RPS6KC1: variants seen among roughly 807,000 people sequenced by gnomAD.
RPS6KC1 encodes the protein inactive ribosomal protein S6 kinase delta-1.
A neutral mutation model predicts 103.8 loss-of-function variants in RPS6KC1; 54 were observed. That is an observed-to-expected ratio of 0.52 (90% CI 0.42 to 0.65). The LOEUF is 0.65. Ranked by LOEUF, RPS6KC1 falls within the 30% of genes least tolerant of loss-of-function variation. RPS6KC1 has a pLI of 0.00. For missense variants in RPS6KC1, 1,151 were observed against 1,253.8 expected, an observed-to-expected ratio of 0.92 and a Z score of 1.24; for synonymous variants, 439 against 438.7, an observed-to-expected ratio of 1.00 and a Z score of -0.01.
chr1:213,343,516 G>T, the RPS6KC1 span, among the ~76,000 whole-genome samples: 1 of 147,730 alleles, frequency 6.8e-6, no homozygotes, highest in Non-Finnish European at 1.5e-5. Flanking sequence ...TGGAATTGGA[G>T]ACTATTATCC....
the RPS6KC1 span, among the ~76,000 whole-genome samples, chr1:213,487,584 A>G: frequency 6.6e-6 from 1 of 152,082 alleles, no homozygotes; most frequent in Non-Finnish European, 1.5e-5. Flanking sequence ...ACAAAATCCT[A>G]CAAGGCCCTG....
chr1:213,825,929 A>G, the RPS6KC1 span, among the ~76,000 whole-genome samples: 187 of 152,346 alleles, frequency 1.2e-3, no homozygotes, highest in Non-Finnish European at 1.6e-3. Flanking sequence ...CCATGAACTG[A>G]AAACAATCAA....
chr1:213,151,691 T>C (rs1471604474), intron 6 of RPS6KC1, among the ~76,000 whole-genome samples: 1 of 87,144 alleles, frequency 1.1e-5, no homozygotes, highest in Non-Finnish European at 2.3e-5. Flanking sequence ...GACGCGCCCC[T>C]CACCTCCCGG....
chr1:213,717,369 TA>T, the RPS6KC1 span, among the ~76,000 whole-genome samples: 1 of 152,148 alleles, frequency 6.6e-6, no homozygotes, highest in African/African-American at 2.4e-5. Flanking sequence ...GAAGGATAAA[TA>T]AAAGTTGACA....
chr1:213,185,809 G>T (rs1573098875), intron 8 of RPS6KC1, among the ~76,000 whole-genome samples: 1 of 146,242 alleles, frequency 6.8e-6, no homozygotes, highest in South Asian at 2.2e-4. Flanking sequence ...GTCTGTCTTT[G>T]TGGGTAAGTA....
chr1:213,131,499 A>G (rs2085611711), intron 6 of RPS6KC1, among the ~76,000 whole-genome samples: 2 of 151,766 alleles, frequency 1.3e-5, no homozygotes, highest in Admixed American at 6.6e-5. Context: ...GCTGGAGGGC[A>G]GTGGTATGAT....
At chr1:213,859,385 A>T in the RPS6KC1 span, among the ~76,000 whole-genome samples, 2 of 152,208 alleles carry the variant, frequency 1.3e-5, no homozygotes, top group African/African-American at 4.8e-5. Flanking sequence ...GATGGGGTTC[A>T]GGCATCTGTA....
the RPS6KC1 span, among the ~76,000 whole-genome samples, chr1:213,570,769 C>T: frequency 5.9e-3 from 904 of 152,212 alleles, 9 homozygotes; most frequent in African/African-American, 0.017. Context: ...GCAACCCAGC[C>T]CTACCCTTGT....
chr1:213,303,501 G>T, the RPS6KC1 span, among the ~76,000 whole-genome samples: 1 of 151,936 alleles, frequency 6.6e-6, no homozygotes, highest in African/African-American at 2.4e-5. Flanking sequence ...TTCTCTGCTG[G>T]TCTGTTCTCT....
intron 6 of RPS6KC1, among the ~76,000 whole-genome samples, chr1:213,159,019 G>C (rs973136606): frequency 2.6e-5 from 4 of 151,926 alleles, no homozygotes; most frequent in African/African-American, 9.7e-5. Flanking sequence ...AACTCAAGAA[G>C]GACAAAGTTC....
intron 14 of RPS6KC1, among the ~76,000 whole-genome samples, chr1:213,272,173 C>T (rs1344714536): frequency 6.6e-6 from 1 of 152,174 alleles, no homozygotes; most frequent in Non-Finnish European, 1.5e-5. Flanking sequence ...AACTGGCTAT[C>T]TCAGAATCTA....
chr1:213,721,776 T>C, the RPS6KC1 span, among the ~76,000 whole-genome samples: 1 of 152,178 alleles, frequency 6.6e-6, no homozygotes, highest in Non-Finnish European at 1.5e-5. Flanking sequence ...TCCAAGGACA[T>C]TGTTAGTTTG....
At chr1:213,696,502 C>CAAAAAAAAAAAAAA in the RPS6KC1 span, among the ~76,000 whole-genome samples, 1 of 120,934 alleles carries the variant, frequency 8.3e-6, no homozygotes, top group Non-Finnish European at 1.6e-5. Context: ...AACTCCGTCT[C>CAAAAAAAAAAAAAA]AAAAAAAAAA....
the RPS6KC1 span, among the ~76,000 whole-genome samples, chr1:213,519,736 A>C: frequency 6.6e-6 from 1 of 152,218 alleles, no homozygotes. Flanking sequence ...TTTTCAGCAG[A>C]TCTAAAGAGC....
At chr1:213,459,800 T>C in the RPS6KC1 span, among the ~76,000 whole-genome samples, 18 of 152,218 alleles carry the variant, frequency 1.2e-4, no homozygotes, top group African/African-American at 4.1e-4. Flanking sequence ...TTTGTTCTTA[T>C]TGGTTTCAAA....
At chr1:213,143,433 G>A (rs1019692160) in intron 6 of RPS6KC1, among the ~76,000 whole-genome samples, 2 of 151,132 alleles carry the variant, frequency 1.3e-5, no homozygotes, top group Admixed American at 1.3e-4. Context: ...TTATTTTGCT[G>A]TTCTGTGTTT....
At chr1:213,663,614 C>T in the RPS6KC1 span, among the ~76,000 whole-genome samples, 1 of 152,178 alleles carries the variant, frequency 6.6e-6, no homozygotes, top group Non-Finnish European at 1.5e-5. Flanking sequence ...AAAAAGGCAC[C>T]ATTAAAGTTA....
chr1:213,756,986 G>C, the RPS6KC1 span, among the ~76,000 whole-genome samples: 1 of 152,116 alleles, frequency 6.6e-6, no homozygotes, highest in South Asian at 2.1e-4. Flanking sequence ...TTATTGTTTT[G>C]GGGGGACAAC....
chr1:213,437,281 C>T, the RPS6KC1 span, among the ~76,000 whole-genome samples: 1 of 151,804 alleles, frequency 6.6e-6, no homozygotes, highest in African/African-American at 2.4e-5. Context: ...ATATTTTGTT[C>T]TTCATCTTTT....
Sources: allele counts gnomAD v4.1 joint callset (sites outside exome capture counted in the v4.1 genomes callset), GRCh38; gene constraint gnomAD v4.1.1; transcripts MANE v1.5; gene names NCBI Gene and HGNC (gene_info 2026-07-23, HGNC 2026-07-21).